The following RGL1 variants were observed in gnomAD, a reference collection of about 807,000 sequenced individuals.
RGL1 encodes ral guanine nucleotide dissociation stimulator like 1.
Under a neutral mutation model 95.2 loss-of-function variants are expected in RGL1, and 24 were observed. That is an observed-to-expected ratio of 0.25 (90% confidence interval 0.18 to 0.35). The LOEUF is 0.35. Among genes scored for constraint, RGL1 ranks in the 10% least tolerant of loss-of-function variants. The probability of loss-of-function intolerance (pLI) is 1.00; values close to 1 mark genes in which losing one functional copy is unlikely to be tolerated. For missense variants in RGL1, 715 were observed against 936.3 expected, an observed-to-expected ratio of 0.76 and a Z score of 3.08; for synonymous variants, 329 against 344.9, an observed-to-expected ratio of 0.95 and a Z score of 0.51.
At chr1:183,854,331 G>A (rs764381767) in intron 3 of RGL1, among the ~76,000 whole-genome samples, 4 of 152,140 alleles carry the variant, frequency 2.6e-5, no homozygotes, top group Non-Finnish European at 5.9e-5. Context: ...CCCTGACCTC[G>A]ATCAGCTTTT....
intron 2 of RGL1, chr1:183,742,431 C>T (rs1040051540): frequency 7.8e-6 from 7 of 901,744 alleles, no homozygotes; most frequent in African/African-American, 1.7e-5. Flanking sequence ...GACTGGAGAA[C>T]AAGTAAGTCA....
chr1:183,680,636 C>T (rs1653148810), intron 1 of RGL1, among the ~76,000 whole-genome samples: 1 of 152,060 alleles, frequency 6.6e-6, no homozygotes, highest in African/African-American at 2.4e-5. Flanking sequence ...GTTCTTTTTG[C>T]TTAGGATTGT....
chr1:183,654,407 C>T (rs1254813239), intron 1 of RGL1, among the ~76,000 whole-genome samples: 2 of 152,230 alleles, frequency 1.3e-5, no homozygotes, highest in African/African-American at 4.8e-5. Context: ...AGTCAATCCT[C>T]ATAGCTCATC....
intron 2 of RGL1, among the ~76,000 whole-genome samples, chr1:183,844,571 G>GT (rs1362725615): frequency 1.3e-5 from 2 of 152,140 alleles, no homozygotes; most frequent in Middle Eastern, 3.4e-3. Flanking sequence ...GACCATAGGA[G>GT]TTTTTTTTGG....
intron 14 of RGL1, among the ~76,000 whole-genome samples, chr1:183,910,146 G>A (rs898925061): frequency 4.0e-5 from 6 of 151,672 alleles, no homozygotes. Context: ...TTGCTCTGTC[G>A]CTTAGGCTGG....
chr1:183,774,646 G>T (rs1020395010), intron 2 of RGL1, among the ~76,000 whole-genome samples: 1 of 143,468 alleles, frequency 7.0e-6, no homozygotes, highest in Non-Finnish European at 1.5e-5. Context: ...GCATGATCTC[G>T]GTTCACACAA....
intron 3 of RGL1, among the ~76,000 whole-genome samples, chr1:183,862,340 C>A (rs1416908659): frequency 1.3e-5 from 2 of 151,524 alleles, no homozygotes; most frequent in East Asian, 3.9e-4. Flanking sequence ...CCAGTCTGGG[C>A]AAGAGAGTGA....
chr1:183,790,019 C>A (rs2102375640), intron 2 of RGL1, among the ~76,000 whole-genome samples: 1 of 151,966 alleles, frequency 6.6e-6, no homozygotes, highest in South Asian at 2.1e-4. Context: ...CTCCCGGGTT[C>A]AAGCGATTCT....
At chr1:183,899,607 T>C (rs1188515167) in intron 10 of RGL1, among the ~76,000 whole-genome samples, 2 of 152,246 alleles carry the variant, frequency 1.3e-5, no homozygotes, top group African/African-American at 4.8e-5. Flanking sequence ...ACGAATGATG[T>C]TGATCTTTAT....
At chr1:183,924,190 C>T (rs1046243563) in intron 17 of RGL1, among the ~76,000 whole-genome samples, 1 of 152,178 alleles carries the variant, frequency 6.6e-6, no homozygotes, top group African/African-American at 2.4e-5. Flanking sequence ...CAGCACTATT[C>T]ACAATAGCAA....
intron 1 of RGL1, among the ~76,000 whole-genome samples, chr1:183,676,006 G>T (rs1411017895): frequency 6.6e-6 from 1 of 152,074 alleles, no homozygotes; most frequent in Non-Finnish European, 1.5e-5. Context: ...AATTAGCTTG[G>T]CATGGTGATG....
Position 183,642,703 on chromosome 1 carries a change from A to C in RGL1, c.-33+6202A>C, listed in dbSNP as rs373517230. ...GACTAGACATAGAGCCTGATTTCTA[A>C]TATTTAGTCTAACAGAAAAGATGTC... On this transcript the variant is annotated intron_variant, in intron 1 of 18. Transcript: ENST00000304685. Among the ~76,000 whole-genome samples, 76 of 152,346 alleles carry C rather than the reference A, an allele frequency of 5.0e-4. 3 individuals carry two copies. The South Asian group carries it at 0.015, about 31-fold the overall frequency.
chr1:183,838,330 T>C (rs1156881191), intron 2 of RGL1, among the ~76,000 whole-genome samples: 1 of 152,144 alleles, frequency 6.6e-6, no homozygotes, highest in East Asian at 1.9e-4. Context: ...TCCTGTTTCC[T>C]TCAGGAGGGT....
intron 2 of RGL1, among the ~76,000 whole-genome samples, chr1:183,825,297 C>A (rs967215642): frequency 6.6e-6 from 1 of 152,020 alleles, no homozygotes; most frequent in African/African-American, 2.4e-5. Context: ...ATACTTTAAG[C>A]AGTAAGAATG....
intron 1 of RGL1, among the ~76,000 whole-genome samples, chr1:183,663,267 G>A (rs967909028): frequency 6.6e-6 from 1 of 151,788 alleles, no homozygotes; most frequent in African/African-American, 2.4e-5. Flanking sequence ...CCATCAGAGT[G>A]AACAGGCAAC....
At chr1:183,827,195 T>A (rs1238845532) in intron 2 of RGL1, among the ~76,000 whole-genome samples, 1 of 152,264 alleles carries the variant, frequency 6.6e-6, no homozygotes, top group Non-Finnish European at 1.5e-5. Flanking sequence ...AGTGTTGGGA[T>A]TACAGGTGTG....
intron 2 of RGL1, among the ~76,000 whole-genome samples, chr1:183,746,547 A>T (rs1156646893): frequency 6.6e-6 from 1 of 151,652 alleles, no homozygotes; most frequent in African/African-American, 2.4e-5. Context: ...ATTCATCGTT[A>T]TGTGGATGAA....
intron 4 of RGL1, among the ~76,000 whole-genome samples, chr1:183,874,840 G>A (rs531041655): frequency 1.3e-5 from 2 of 152,164 alleles, no homozygotes; most frequent in Non-Finnish European, 2.9e-5. Context: ...CTCAGAGGCA[G>A]CTTCTATCTG....
At chr1:183,904,734 G>A in intron 12 of RGL1, 116 bp from the exon 13 acceptor site, 2 of 1,109,954 alleles carry the variant, frequency 1.8e-6, no homozygotes, top group Non-Finnish European at 2.5e-6. Context: ...CCTCCTAGAT[G>A]GTTTTCTTCA....
Sources: allele counts gnomAD v4.1 joint callset (sites outside exome capture counted in the v4.1 genomes callset), GRCh38; gene constraint gnomAD v4.1.1; transcripts MANE v1.5; gene names NCBI Gene and HGNC (gene_info 2026-07-23, HGNC 2026-07-21).